REN: variants seen among roughly 807,000 people sequenced by gnomAD.
The protein encoded by REN is angiotensin-forming enzyme.
Under a neutral mutation model 48.6 loss-of-function variants are expected in REN, and 42 were observed. The ratio of observed to expected loss-of-function variants is 0.86; its 90% CI spans 0.68 to 1.12. The LOEUF (loss-of-function observed/expected upper bound fraction) is 1.12, where lower values mean the gene tolerates loss of function less well. REN is among the 50% of genes most tolerant of loss of function. The pLI is 0.00. For synonymous variants in REN, 196 were observed against 204.6 expected, an observed-to-expected ratio of 0.96 and a Z score of 0.36; for missense variants, 443 against 527.3, an observed-to-expected ratio of 0.84 and a Z score of 1.57.
intron 4 of REN, 125 bp downstream of exon 4, chr1:204,160,435 C>T: frequency 2.7e-6 from 2 of 753,778 alleles, no homozygotes; most frequent in East Asian, 2.5e-5. Flanking sequence ...GTAGGGTGTT[C>T]CTCAGCTCCC....
At chr1:204,158,419 T>C (rs1325835471) in intron 5 of REN, among the ~76,000 whole-genome samples, 1 of 147,398 alleles carries the variant, frequency 6.8e-6, no homozygotes, top group East Asian at 1.9e-4. Flanking sequence ...GACTTTTTTT[T>C]TTTTTTTTTT....
chr1:204,161,198 G>A (rs1658239744), intron 3 of REN, 94 bp downstream of exon 3: 4 of 1,394,502 alleles, frequency 2.9e-6, no homozygotes, highest in Non-Finnish European at 3.8e-6. Context: ...CTCCCTTGGT[G>A]GCAAGAGGGA....
In REN at chr1:204,156,301, G is replaced by A. The variant is rs747513216; in HGVS notation, c.837C>T (p.Ser279=). Residue 279 remains serine (S), a synonymous_variant, in exon 8 of 10, where the codon TCC becomes TCT. Transcript: ENST00000272190. The surrounding 1 kb of genome is among the most constrained non-coding windows in gnomAD (Gnocchi z 4.2). The part of the protein sequence containing the change: ...IQMKGVSVGS[S]TLLCEDGCLA... ...GGCAGCCGTCTTCACAGAGCAAGGT[G>A]GATGACCCCACAGACACCCTGGGGG... The A allele has an allele frequency of 6.2e-7, 1 of 1,613,516 alleles. No homozygotes were observed. The highest frequency in any genetic ancestry group is 1.3e-5 in the African/African-American group (1 of 74,996).
chr1:204,155,867 G>A lies in REN; in HGVS notation c.1012C>T (p.Leu338=), dbSNP rs1421034489. ...GTGAGCGTGTATTCTTTGCCTCCCAGGTGGAAAGAGATGTCGGGGAGTGTA... is the reference window on the plus strand; with the variant it reads ...GTGAGCGTGTATTCTTTGCCTCCCAAGTGGAAAGAGATGTCGGGGAGTGTA... ...GPTLPDISFH[L]GGKEYTLTSA... is the part of the protein sequence containing the mutation. Residue 338 remains leucine (L), a synonymous_variant, in exon 9 of 10, where the codon CTG becomes TTG. Coordinates refer to ENST00000272190, the MANE Select transcript of REN (RefSeq NM_000537.4). 1 of 1,614,098 alleles carries A rather than the reference G, an allele frequency of 6.2e-7. No individual in the cohort carries two copies. Among genetic ancestry groups the A allele is most frequent in the Admixed American group, 1.7e-5 (1 of 60,024 alleles).
rs556759055 is a variant in REN at position 204,161,343 on chromosome 1, A to C, written c.322T>G (p.Ser108Ala). 5.3e-5 allele frequency: 85 copies of C among 1,609,314 alleles called. 1 individual carries two copies. The South Asian group carries it at 8.6e-4, about 16-fold the overall frequency. ...TFKVVFDTGSSNVWVPSSKCS... is the reference protein window; with the variant it reads ...TFKVVFDTGSANVWVPSSKCS... ...TTGGAGGAGGGCACCCAAACATTGG[A>C]CGAACCAGTGTCAAAGACGACTTTG... The change falls in exon 3 of 10, where the codon TCC (serine) becomes GCC (alanine). Residue 108 changes from serine to alanine, a missense_variant. Ser to Ala is a moderately conservative substitution (Grantham distance 99). Transcript: ENST00000272190.
chr1:204,159,314 A>G, intron 5 of REN, 85 bp downstream of exon 5: 1 of 1,247,130 alleles, frequency 8.0e-7, no homozygotes, highest in East Asian at 2.3e-5. Flanking sequence ...AACACTTTAC[A>G]ATTCTGGCCC....
chr1:204,155,217 G>C, intron 9 of REN, 40 bp from the exon 10 acceptor site: 1 of 1,609,974 alleles, frequency 6.2e-7, no homozygotes, highest in Non-Finnish European at 8.5e-7. Context: ...CCCAGCACAT[G>C]AGCATTCTCC....
intron 5 of REN, 84 bp from the exon 6 acceptor site, chr1:204,157,453 T>G (rs1658170265): frequency 2.5e-6 from 4 of 1,588,128 alleles, no homozygotes; most frequent in Middle Eastern, 1.7e-4. Context: ...GTGGGTGTTA[T>G]GTACTCTCTT....
intron 1 of REN, among the ~76,000 whole-genome samples, chr1:204,163,844 G>T (rs1658292075): frequency 6.6e-6 from 1 of 152,250 alleles, no homozygotes; most frequent in Non-Finnish European, 1.5e-5. Flanking sequence ...ACCTCTCTGG[G>T]CCTCTTCTAA....
rs1445593355 is a variant in REN at position 204,162,320 on chromosome 1, T to C, written c.99-157A>G. On this transcript the variant is annotated intron_variant, in intron 1 of 9. Transcript: ENST00000272190. ...CTGTCGCTGAGGGCCTCTGGAGCAT[T>C]TATAAGAGTTACTTCTTGTCAAGAG... 3.3e-5 allele frequency among the ~76,000 whole-genome samples: 5 copies of C among 152,138 alleles called. No homozygotes were observed. The East Asian group carries it at 9.6e-4, about 29-fold the overall frequency.
rs1425740430 is a variant in REN, at chr1:204,154,948, G to A, written c.*68C>T. 8 of 1,569,054 alleles carry A rather than the reference G, an allele frequency of 5.1e-6. No individual in the cohort carries two copies. In the East Asian group the frequency reaches 6.7e-5, roughly 13 times the overall value. On this transcript the variant is annotated 3_prime_UTR_variant, in exon 10 of 10. Coordinates refer to ENST00000272190, the MANE Select transcript of REN (RefSeq NM_000537.4). ...TGAGGGCATAAGCCCAGGCAGAGGG[G>A]CATCTCAGAGAGTGTTCCAGCTCTG...
Position 204,166,163 on chromosome 1 carries a change from T to C in REN, c.98+33A>G, listed in dbSNP as rs554430270. The C allele has an allele frequency of 3.8e-6, 6 of 1,566,744 alleles. No homozygotes were observed. In the East Asian group the frequency reaches 1.1e-4, roughly 29 times the overall value. ...TGGGAAGGTGGGAACCCTGCACCCCTCCCACCCCTTCTCTGCCTGAGTTAC... is the reference window on the plus strand; with the variant it reads ...TGGGAAGGTGGGAACCCTGCACCCCCCCCACCCCTTCTCTGCCTGAGTTAC... On this transcript the variant is annotated intron_variant, in intron 1 of 9. Transcript: ENST00000272190.
intron 1 of REN, among the ~76,000 whole-genome samples, chr1:204,163,830 C>T (rs1468535006): frequency 7.9e-5 from 12 of 152,180 alleles, no homozygotes; most frequent in African/African-American, 2.7e-4. Flanking sequence ...GAGAAAGCTA[C>T]CTAACCTCTC....
Position 204,159,588 on chromosome 1 carries a change from C to T in REN, c.500G>A (p.Gly167Glu), listed in dbSNP as rs138459586. 6.2e-7 allele frequency: 1 copy of T among 1,614,184 alleles called. No homozygotes were observed. Among genetic ancestry groups the T allele is most frequent in the Non-Finnish European group, 8.5e-7 (1 of 1,180,032 alleles). The change falls in exon 5 of 10, where the codon GGA (glycine) becomes GAA (glutamate). Residue 167 changes from glycine to glutamate, a missense_variant. Transcript: ENST00000272190. ...TCCAAACATCTGTGTCACCGTGATT[C>T]CACCCACCTGTGGGAGGAAGGACCA... ...FLSQDIITVG[G>E]ITVTQMFGEV...
In REN at chr1:204,156,137, G is replaced by C. The variant is rs760887431; in HGVS notation, c.960+41C>G. The C allele has an allele frequency of 3.1e-6, 5 of 1,613,496 alleles. No homozygotes were observed. The highest frequency in any genetic ancestry group is 4.2e-6 in the Non-Finnish European group (5 of 1,179,840). On this transcript the variant is annotated intron_variant, in intron 8 of 9. Coordinates refer to ENST00000272190, the MANE Select transcript of REN (RefSeq NM_000537.4). This position sits in a 1 kb window ranked among gnomAD's most constrained non-coding sequence, Gnocchi z 4.2. ...GATTTGTGAGCCGATACCAGGTGGCGCTCCCCCCACCCACAGCACCTTCCC... is the reference window on the plus strand; with the variant it reads ...GATTTGTGAGCCGATACCAGGTGGCCCTCCCCCCACCCACAGCACCTTCCC...
rs990335609 is a variant in REN at position 204,156,945 on chromosome 1, C to G, written c.699-149G>C. ...GACAGACAGCCAGGCTCGGAGCTGT[C>G]GTTGGGAAGCATGCAGAACATACTG... On this transcript the variant is annotated intron_variant, in intron 6 of 9. Coordinates refer to ENST00000272190, the MANE Select transcript of REN (RefSeq NM_000537.4). The surrounding 1 kb of genome is among the most constrained non-coding windows in gnomAD (Gnocchi z 4.2). 8.9e-5 allele frequency: 91 copies of G among 1,025,918 alleles called. No individual in the cohort carries two copies. Among genetic ancestry groups the G allele is most frequent in the Middle Eastern group, 5.9e-4 (2 of 3,376 alleles). The allele number at this position is 1,025,918 out of a possible 1,614,324, so 63.6% of individuals were successfully genotyped here.
rs1658203448 is a variant in REN at position 204,159,382 on chromosome 1, G to A, written c.689+17C>T. The A allele has an allele frequency of 6.2e-7, 1 of 1,610,572 alleles. No individual in the cohort carries two copies. On this transcript the variant is annotated intron_variant, in intron 5 of 9. Transcript: ENST00000272190. Reference sequence around the variant, plus strand: ...CTCCTGTCCCCCCACCTCAGCCCTTGGAGTCCCAGTCCCCACCTGTTGTAG... The same window carrying A: ...CTCCTGTCCCCCCACCTCAGCCCTTAGAGTCCCAGTCCCCACCTGTTGTAG...
Position 204,161,294 on chromosome 1 carries a change from C to A in REN, c.371G>T (p.Cys124Phe). Residue 124 changes from cysteine to phenylalanine, a missense_variant and splice_region_variant, in exon 3 of 10, where the codon TGT (cysteine) becomes TTT (phenylalanine). Coordinates refer to ENST00000272190, the MANE Select transcript of REN (RefSeq NM_000537.4). ...SSKCSRLYTA[C>F]VYHKLFDASD... ...GCACTGTGGGTCTTAGGTCTCACCA[C>A]AGGCAGTGTAGAGACGGCTGCACTT... 1.9e-6 allele frequency: 3 copies of A among 1,602,628 alleles called. No homozygotes were observed. Among genetic ancestry groups the A allele is most frequent in the South Asian group, 1.1e-5 (1 of 88,534 alleles).
chr1:204,161,935 G>T, intron 2 of REN, 78 bp downstream of exon 2: 4 of 1,542,320 alleles, frequency 2.6e-6, no homozygotes, highest in Non-Finnish European at 3.6e-6. Flanking sequence ...GAAAGGGTGA[G>T]TCTTGCAGCA....
Sources: allele counts gnomAD v4.1 joint callset (sites outside exome capture counted in the v4.1 genomes callset), GRCh38; gene constraint gnomAD v4.1.1; non-coding constraint Gnocchi (gnomAD v3.1); transcripts MANE v1.5; gene names NCBI Gene and HGNC (gene_info 2026-07-23, HGNC 2026-07-21).